PDGFD: variants seen among roughly 807,000 people sequenced by gnomAD.
PDGFD encodes platelet derived growth factor D.
In PDGFD, 30 loss-of-function variants were observed where a neutral mutation model predicts 44.7. The ratio of observed to expected loss-of-function variants is 0.67; its 90% CI spans 0.50 to 0.91. The LOEUF (loss-of-function observed/expected upper bound fraction) is 0.91. PDGFD is among the 40% of genes least tolerant of loss of function. The pLI, the probability that PDGFD is intolerant of heterozygous loss-of-function variation, is 0.00. For synonymous variants in PDGFD, 173 were observed against 168.4 expected (o/e 1.03, Z -0.21); for missense variants, 445 against 457.8 (o/e 0.97, Z 0.25).
chr11:104,063,091 T>C (rs1285975911), intron 1 of PDGFD, among the ~76,000 whole-genome samples: 1 of 152,104 alleles, frequency 6.6e-6, no homozygotes, highest in Non-Finnish European at 1.5e-5. Flanking sequence ...CTGGGAGACA[T>C]GAATTCAATT....
At chr11:104,139,227 T>C (rs1862050434) in intron 1 of PDGFD, among the ~76,000 whole-genome samples, 1 of 152,170 alleles carries the variant, frequency 6.6e-6, no homozygotes, top group South Asian at 2.1e-4. Flanking sequence ...GTAAGAAAGC[T>C]GGTAAGGAAT....
chr11:103,952,795 T>G (rs1858778979), intron 3 of PDGFD, among the ~76,000 whole-genome samples: 1 of 152,214 alleles, frequency 6.6e-6, no homozygotes, highest in South Asian at 2.1e-4. Context: ...ATCCTCAGCT[T>G]AACTCCTCAC....
At chr11:104,128,382 G>A (rs774170599) in intron 1 of PDGFD, among the ~76,000 whole-genome samples, 10 of 152,054 alleles carry the variant, frequency 6.6e-5, no homozygotes, top group Admixed American at 1.3e-4. Flanking sequence ...CCTACTCCTT[G>A]GTTCATCTCT....
intron 3 of PDGFD, among the ~76,000 whole-genome samples, chr11:103,971,764 C>T (rs1022398804): frequency 2.6e-5 from 4 of 152,136 alleles, no homozygotes; most frequent in Non-Finnish European, 5.9e-5. Flanking sequence ...ACTGTAAAGC[C>T]GTTTCTTATT....
At chr11:104,143,665 T>C (rs1462945679) in intron 1 of PDGFD, among the ~76,000 whole-genome samples, 1 of 152,194 alleles carries the variant, frequency 6.6e-6, no homozygotes, top group African/African-American at 2.4e-5. Flanking sequence ...CTGGACCAAA[T>C]GGCTACATTA....
At chr11:103,977,573 C>T (rs1055692049) in intron 3 of PDGFD, among the ~76,000 whole-genome samples, 1 of 152,034 alleles carries the variant, frequency 6.6e-6, no homozygotes, top group Non-Finnish European at 1.5e-5. Flanking sequence ...CCCCCCAGTA[C>T]CAAGCATAAA....
At chr11:104,138,372 T>G (rs1284358697) in intron 1 of PDGFD, among the ~76,000 whole-genome samples, 1 of 152,216 alleles carries the variant, frequency 6.6e-6, no homozygotes, top group Non-Finnish European at 1.5e-5. Flanking sequence ...TTTCACTATA[T>G]AGCTCATTAA....
intron 5 of PDGFD, among the ~76,000 whole-genome samples, chr11:103,927,635 T>A (rs1205458214): frequency 1.3e-5 from 2 of 152,198 alleles, no homozygotes; most frequent in Non-Finnish European, 2.9e-5. Context: ...AGGGTTTTAG[T>A]TTTATTTTTA....
At chr11:104,012,890 G>A (rs979137529) in intron 1 of PDGFD, among the ~76,000 whole-genome samples, 3 of 152,324 alleles carry the variant, frequency 2.0e-5, no homozygotes, top group East Asian at 3.9e-4. Context: ...AAGAGGCAGG[G>A]AAATACTGGG....
At chr11:103,930,521 G>A (rs1025048539) in intron 5 of PDGFD, among the ~76,000 whole-genome samples, 1 of 148,294 alleles carries the variant, frequency 6.7e-6, no homozygotes, top group Non-Finnish European at 1.5e-5. Context: ...TACTTTTGCA[G>A]TTGAGGAAAC....
intron 3 of PDGFD, among the ~76,000 whole-genome samples, chr11:103,988,146 G>C (rs755718974): frequency 2.6e-5 from 4 of 151,980 alleles, no homozygotes; most frequent in Non-Finnish European, 5.9e-5. Context: ...AAAATAGCTT[G>C]AATAGCTTTT....
intron 1 of PDGFD, among the ~76,000 whole-genome samples, chr11:104,114,072 T>C (rs575448736): frequency 8.5e-5 from 13 of 152,198 alleles, no homozygotes; most frequent in African/African-American, 3.1e-4. Context: ...TATGGTGTCT[T>C]TTACAAAGTA....
At chr11:104,119,928 T>C (rs1473374555) in intron 1 of PDGFD, among the ~76,000 whole-genome samples, 1 of 136,408 alleles carries the variant, frequency 7.3e-6, no homozygotes, top group African/African-American at 2.7e-5. Flanking sequence ...ATATATTATA[T>C]AATTAAATTA....
chr11:103,979,081 T>A (rs558104692), intron 3 of PDGFD, among the ~76,000 whole-genome samples: 2 of 152,056 alleles, frequency 1.3e-5, no homozygotes, highest in African/African-American at 2.4e-5. Context: ...TCTGGACATG[T>A]ATGTTTAAAA....
intron 1 of PDGFD, among the ~76,000 whole-genome samples, chr11:104,147,018 A>T (rs950655917): frequency 6.6e-6 from 1 of 151,970 alleles, no homozygotes; most frequent in African/African-American, 2.4e-5. Flanking sequence ...AAAAAAAAAA[A>T]ATAGTTGTTT....
At chr11:104,042,552 A>G (rs575855241) in intron 1 of PDGFD, among the ~76,000 whole-genome samples, 4 of 152,212 alleles carry the variant, frequency 2.6e-5, no homozygotes, top group Admixed American at 6.5e-5. Flanking sequence ...TATATTTCAA[A>G]TAAGTAAGGA....
chr11:103,975,963 G>T (rs1255512829), intron 3 of PDGFD, among the ~76,000 whole-genome samples: 2 of 152,128 alleles, frequency 1.3e-5, no homozygotes, highest in Non-Finnish European at 2.9e-5. Flanking sequence ...GCTTAGGATT[G>T]TCTTGGCTAT....
chr11:103,988,175 A>C (rs1859398624), intron 3 of PDGFD, among the ~76,000 whole-genome samples: 1 of 151,834 alleles, frequency 6.6e-6, no homozygotes, highest in Non-Finnish European at 1.5e-5. Flanking sequence ...CGTTTTCCTC[A>C]TTTTCTTAAT....
At chr11:104,110,264 C>T (rs1591168523) in intron 1 of PDGFD, among the ~76,000 whole-genome samples, 1 of 151,586 alleles carries the variant, frequency 6.6e-6, no homozygotes, top group African/African-American at 2.4e-5. Context: ...TCTTTCTATA[C>T]ATTATTTGTA....
Sources: gnomAD v4.1 joint callset for allele counts (sites outside exome capture counted in the v4.1 genomes callset) on GRCh38, gnomAD v4.1.1 for gene constraint, MANE v1.5 for transcripts, NCBI Gene and HGNC (gene_info 2026-07-23, HGNC 2026-07-21) for gene names.